The following SIM2 variants were observed in gnomAD, a reference collection of about 807,000 sequenced individuals.
SIM2 encodes single-minded homolog 2.
A neutral mutation model predicts 64.8 loss-of-function variants in SIM2; 28 were observed. The ratio of observed to expected loss-of-function variants is 0.43; its 90% CI spans 0.32 to 0.59. The LOEUF (loss-of-function observed/expected upper bound fraction) is 0.59. Among genes scored for constraint, SIM2 ranks in the 20% least tolerant of loss-of-function variants. SIM2 has a pLI of 0.07. For missense variants in SIM2, 847 were observed against 871.4 expected, an observed-to-expected ratio of 0.97 and a Z score of 0.35; for synonymous variants, 408 against 391.1, an observed-to-expected ratio of 1.04 and a Z score of -0.51.
intron 4 of SIM2, chr21:36,720,255 A>G: frequency 3.8e-6 from 1 of 265,388 alleles, no homozygotes; most frequent in Non-Finnish European, 7.3e-6. Context: ...GTCTAGACCA[A>G]GCTTCTCCTT....
intron 7 of SIM2, 60 bp downstream of exon 7, chr21:36,731,211 A>G: frequency 1.6e-6 from 2 of 1,262,776 alleles, no homozygotes; most frequent in Admixed American, 3.5e-5. Context: ...GGCGCTGAGG[A>G]CAGAGCCGGG....
chr21:36,722,169 G>A (rs544151985), intron 4 of SIM2, among the ~76,000 whole-genome samples: 5 of 152,268 alleles, frequency 3.3e-5, no homozygotes, highest in African/African-American at 4.8e-5. Context: ...TCCACCCACC[G>A]TGCTTGTCTG....
chr21:36,724,875 G>A (rs762099963), intron 5 of SIM2, among the ~76,000 whole-genome samples: 1 of 152,116 alleles, frequency 6.6e-6, no homozygotes, highest in African/African-American at 2.4e-5. Context: ...AGTGACGCTC[G>A]AGGCTGTACA....
chr21:36,699,621 C>T lies in SIM2; in HGVS notation c.-126C>T, dbSNP rs1568919444. The T allele has an allele frequency of 9.2e-7, 1 of 1,084,968 alleles. No individual in the cohort carries two copies. 67.2% of individuals were successfully genotyped at this position (1,084,968 alleles called of 1,614,324 possible). ...CCCCGGGAGGCCCCCCGCACCTGCC[C>T]GCGGCCCACTCCGCGGACTCACCTG... is the stretch of plus-strand genomic sequence containing the variant. On this transcript the variant is annotated 5_prime_UTR_variant, in exon 1 of 11. Transcript: ENST00000290399. This position sits in a 1 kb window ranked among gnomAD's most constrained non-coding sequence, Gnocchi z 5.6.
chr21:36,737,973 A>ACAAAAAAAAGC (rs1555877009), intron 7 of SIM2, among the ~76,000 whole-genome samples: 2 of 120,242 alleles, frequency 1.7e-5, no homozygotes, highest in Non-Finnish European at 3.9e-5. Context: ...AAAAAAAAAA[A>ACAAAAAAAAGC]AAAAAAAAAG....
chr21:36,734,444 A>C (rs949418754), intron 7 of SIM2, among the ~76,000 whole-genome samples: 5 of 152,202 alleles, frequency 3.3e-5, no homozygotes, highest in African/African-American at 1.2e-4. Context: ...AGAAAATAGC[A>C]AGATTGACAG....
At chr21:36,744,560 G>A (rs953970668) in intron 9 of SIM2, among the ~76,000 whole-genome samples, 168 bp from the exon 10 acceptor site, 1 of 152,192 alleles carries the variant, frequency 6.6e-6, no homozygotes, top group African/African-American at 2.4e-5. Context: ...CAGGTCACTG[G>A]GGTATCGCTC....
intron 8 of SIM2, among the ~76,000 whole-genome samples, chr21:36,742,873 A>G (rs1387727908): frequency 6.6e-6 from 1 of 151,842 alleles, no homozygotes; most frequent in Non-Finnish European, 1.5e-5. Flanking sequence ...CTCCAGGTCG[A>G]CCTCTCCTTG....
rs553110710 is a variant in SIM2, at chr21:36,707,350, C to T, written c.176-1818C>T. On this transcript the variant is annotated intron_variant, in intron 1 of 10. Transcript: ENST00000290399. Reference sequence around the variant, plus strand: ...GAGGAAGGACCCGCTGGTGAGAGCACAGGGAGTGCTGCTGTGATCACGGTG... The same window carrying T: ...GAGGAAGGACCCGCTGGTGAGAGCATAGGGAGTGCTGCTGTGATCACGGTG... 3.5e-4 allele frequency among the ~76,000 whole-genome samples: 54 copies of T among 152,288 alleles called. 1 individual carries two copies. The highest frequency in any genetic ancestry group is 1.5e-5 in the Non-Finnish European group (1 of 68,020).
intron 5 of SIM2, among the ~76,000 whole-genome samples, chr21:36,725,176 T>C (rs1349857362): frequency 1.3e-5 from 2 of 151,970 alleles, no homozygotes; most frequent in African/African-American, 4.8e-5. Flanking sequence ...TGAGACCTTG[T>C]CTCTACAAAA....
chr21:36,738,360 C>T (rs1213877221), intron 7 of SIM2, among the ~76,000 whole-genome samples: 1 of 152,084 alleles, frequency 6.6e-6, no homozygotes, highest in East Asian at 1.9e-4. Context: ...AAAAAATTAG[C>T]CGGGTGTGGT....
At chr21:36,742,509 C>T (rs565572187) in intron 8 of SIM2, among the ~76,000 whole-genome samples, 148 of 152,048 alleles carry the variant, frequency 9.7e-4, no homozygotes, top group African/African-American at 3.4e-3. Flanking sequence ...CCTCCCACCT[C>T]GGCCTCCCAA....
In SIM2 at chr21:36,699,903, C is replaced by T. The variant is rs765158971; in HGVS notation, c.157C>T (p.Arg53Cys). 6.2e-7 allele frequency: 1 copy of T among 1,603,962 alleles called. No homozygotes were observed. The change falls in exon 1 of 11, where the codon CGC becomes TGC. Residue 53 changes from arginine to cysteine, a missense_variant. Physicochemically the swap from Arg to Cys is radical, Grantham distance 180. Coordinates refer to ENST00000290399, the MANE Select transcript of SIM2 (RefSeq NM_005069.6). This position sits in a 1 kb window ranked among gnomAD's most constrained non-coding sequence, Gnocchi z 5.6. ...IRLTTSYLKM[R>C]AVFPEGLGDA... ...CCTCACCACGAGCTACCTGAAGATG[C>T]GCGCCGTCTTCCCCGAAGGTGAGGC...
chr21:36,744,637 T>A, intron 9 of SIM2, 91 bp from the exon 10 acceptor site: 6 of 1,455,724 alleles, frequency 4.1e-6, no homozygotes, highest in Non-Finnish European at 5.5e-6. Context: ...TTGGATGGGG[T>A]TGGGCCCCGT....
chr21:36,699,534 C>G lies in SIM2; in HGVS notation c.-213C>G. 1 of 381,014 alleles carries G rather than the reference C, an allele frequency of 2.6e-6. No homozygotes were observed. The highest frequency in any genetic ancestry group is 4.6e-6 in the Non-Finnish European group (1 of 215,570). The allele number at this position is 381,014 out of a possible 1,614,324, so 23.6% of individuals were successfully genotyped here. A position where few individuals can be genotyped will look rare whatever the true frequency, so the allele number is the denominator to read the frequency against. On this transcript the variant is annotated 5_prime_UTR_variant, in exon 1 of 11. Transcript: ENST00000290399. The surrounding 1 kb of genome is among the most constrained non-coding windows in gnomAD (Gnocchi z 5.6). ...GAGGAGGCTGCGCTCCGGGCAGCGG[C>G]GGGCGGCGCCGCCGGGTTGCTCGGA...
chr21:36,745,210 G>A lies in SIM2; in HGVS notation c.1576+74G>A, dbSNP rs758403084. ...GGAGCCGAAGCAGCCATGGCGGTGG[G>A]TGGCAGATGGAGACAGAACCCTCAC... On this transcript the variant is annotated intron_variant, in intron 10 of 10. Transcript: ENST00000290399. This position sits in a 1 kb window ranked among gnomAD's most constrained non-coding sequence, Gnocchi z 4.8. 1 of 1,522,062 alleles carries A rather than the reference G, an allele frequency of 6.6e-7. No individual in the cohort carries two copies. Among genetic ancestry groups the A allele is most frequent in the South Asian group, 1.3e-5 (1 of 77,014 alleles). The allele number at this position is 1,522,062 out of a possible 1,614,324, so 94.3% of individuals were successfully genotyped here. A position where few individuals can be genotyped will look rare whatever the true frequency, so the allele number is the denominator to read the frequency against.
At chr21:36,719,977 C>T (rs2088802759) in intron 4 of SIM2, 48 bp downstream of exon 4, 1 of 1,314,914 alleles carries the variant, frequency 7.6e-7, no homozygotes, top group African/African-American at 1.5e-5. Context: ...AGCAAGGCGA[C>T]ATTCTTAAAT....
In SIM2 at chr21:36,726,088, C is replaced by A; in HGVS notation, c.544-31C>A. On this transcript the variant is annotated intron_variant, in intron 5 of 10. Coordinates refer to ENST00000290399, the MANE Select transcript of SIM2 (RefSeq NM_005069.6). The surrounding 1 kb of genome is among the most constrained non-coding windows in gnomAD (Gnocchi z 4.5). ...TGGGCTCCAGCCCAACCCCAGTGGC[C>A]AGTGGCTGACCCTGCCCTCTCCACT... is the stretch of plus-strand genomic sequence containing the variant. 1 of 1,590,224 alleles carries A rather than the reference C, an allele frequency of 6.3e-7. No individual in the cohort carries two copies.
At chr21:36,742,602 A>C (rs1485755266) in intron 8 of SIM2, among the ~76,000 whole-genome samples, 1 of 152,136 alleles carries the variant, frequency 6.6e-6, no homozygotes, top group Non-Finnish European at 1.5e-5. Flanking sequence ...ACAGATGTCT[A>C]TCTGGGGCCA....
Sources: allele counts gnomAD v4.1 joint callset (sites outside exome capture counted in the v4.1 genomes callset), GRCh38; gene constraint gnomAD v4.1.1; non-coding constraint Gnocchi (gnomAD v3.1); transcripts MANE v1.5; gene names NCBI Gene and HGNC (gene_info 2026-07-23, HGNC 2026-07-21).